The following HDAC4 variants were observed in gnomAD, a reference collection of about 807,000 sequenced individuals.
HDAC4 encodes histone deacetylase 4.
In HDAC4, 16 loss-of-function variants were observed where a neutral mutation model predicts 135.1. The ratio of observed to expected loss-of-function variants is 0.12; its 90% CI spans 0.08 to 0.18. The LOEUF (loss-of-function observed/expected upper bound fraction) is 0.18. Ranked by LOEUF, HDAC4 falls within the 10% of genes least tolerant of loss-of-function variation. The pLI, the probability that HDAC4 is intolerant of heterozygous loss-of-function variation, is 1.00. For synonymous variants in HDAC4, 685 were observed against 653.4 expected, an observed-to-expected ratio of 1.05 and a Z score of -0.74; for missense variants, 1,143 against 1,511.8, an observed-to-expected ratio of 0.76 and a Z score of 4.05.
At chr2:239,217,572 G>A (rs967631636) in intron 3 of HDAC4, among the ~76,000 whole-genome samples, 3 of 152,164 alleles carry the variant, frequency 2.0e-5, no homozygotes, top group Admixed American at 1.3e-4. Context: ...AAGTGTCTGT[G>A]CCGACGGGCT....
chr2:239,202,900 G>C (rs1029516726), intron 3 of HDAC4, among the ~76,000 whole-genome samples: 1 of 152,224 alleles, frequency 6.6e-6, no homozygotes. Flanking sequence ...GCACCAGGAA[G>C]GCAAAGAGCA....
chr2:239,280,513 G>A (rs923832788), intron 2 of HDAC4, among the ~76,000 whole-genome samples: 5 of 152,152 alleles, frequency 3.3e-5, no homozygotes, highest in East Asian at 1.9e-4. Flanking sequence ...GGCACTGCAC[G>A]CCTCCCCACC....
chr2:239,367,363 G>A (rs949983287), intron 1 of HDAC4, among the ~76,000 whole-genome samples: 4 of 152,126 alleles, frequency 2.6e-5, no homozygotes, highest in Non-Finnish European at 5.9e-5. Context: ...GTGTTTTACC[G>A]AACGGTTATT....
intron 2 of HDAC4, among the ~76,000 whole-genome samples, chr2:239,255,052 A>G (rs936253160): frequency 1.3e-5 from 2 of 152,226 alleles, no homozygotes; most frequent in African/African-American, 2.4e-5. Flanking sequence ...TAAAAGGGAA[A>G]ACAAAAACAT....
At position 239,245,244 on chromosome 2, in the gene HDAC4, AG is replaced by A. The variant is rs1411192913; in HGVS notation, c.23-8581del. 6.6e-6 allele frequency among the ~76,000 whole-genome samples: 1 copy of A among 152,184 alleles called. No individual in the cohort carries two copies. The highest frequency in any genetic ancestry group is 1.5e-5 in the Non-Finnish European group (1 of 68,030). On this transcript the variant is annotated intron_variant, in intron 2 of 26. Transcript: ENST00000543185. This position sits in a 1 kb window ranked among gnomAD's most constrained non-coding sequence, Gnocchi z 4.4. ...AAACTAGCTGTAGCTGCCGGCTTACAGGAAGTACGGGTTTGGCAGAACCTGC... is the reference window on the plus strand; with the variant it reads ...AAACTAGCTGTAGCTGCCGGCTTACAGAAGTACGGGTTTGGCAGAACCTGC...
chr2:239,066,750 G>A lies in HDAC4; in HGVS notation c.2975C>T (p.Ala992Val), dbSNP rs1574886611. The A allele has an allele frequency of 6.2e-7, 1 of 1,614,024 alleles. No individual in the cohort carries two copies. The highest frequency in any genetic ancestry group is 8.5e-7 in the Non-Finnish European group (1 of 1,180,048). Residue 992 changes from alanine to valine, a missense_variant, in exon 24 of 27, where the codon GCA (alanine) becomes GTA (valine). Ala to Val is a moderately conservative substitution (Grantham distance 64). Transcript: ENST00000543185. ...DLTAICDASE[A>V]CVSALLGNEL... ...GTTTCCCAGCAAGGCAGAAACACAT[G>A]CTTCCGAGGCGTCGCAAATGGCGGT...
chr2:239,085,030 T>TAA (rs2035788317), intron 19 of HDAC4, among the ~76,000 whole-genome samples: 2 of 89,252 alleles, frequency 2.2e-5, no homozygotes, highest in Admixed American at 1.4e-4. Flanking sequence ...AGTTCCATAC[T>TAA]GAGACAGACA....
intron 24 of HDAC4, among the ~76,000 whole-genome samples, chr2:239,061,118 C>CG: frequency 6.6e-6 from 1 of 151,338 alleles, no homozygotes; most frequent in East Asian, 1.9e-4. Context: ...ACCGTTGGCA[C>CG]GGGGGGAGTG....
chr2:239,311,599 G>A (rs2052882082), intron 2 of HDAC4, among the ~76,000 whole-genome samples: 1 of 152,152 alleles, frequency 6.6e-6, no homozygotes, highest in South Asian at 2.1e-4. Context: ...TGGGTGAGGG[G>A]GAGAGGGACA....
intron 19 of HDAC4, among the ~76,000 whole-genome samples, chr2:239,086,668 C>T (rs1254678513): frequency 6.6e-6 from 1 of 152,226 alleles, no homozygotes; most frequent in African/African-American, 2.4e-5. Context: ...TTCCCGGGCC[C>T]CTGCGGTTCT....
At chr2:239,269,230 T>C (rs4852040) in intron 2 of HDAC4, among the ~76,000 whole-genome samples, 37,293 of 140,874 alleles carry the variant, frequency 0.26, 5,492 homozygotes, top group East Asian at 0.53. Flanking sequence ...CACACCCACA[T>C]ACATTCACAC....
chr2:239,384,846 C>T (rs902701381), intron 1 of HDAC4, among the ~76,000 whole-genome samples: 1 of 152,166 alleles, frequency 6.6e-6, no homozygotes, highest in Non-Finnish European at 1.5e-5. Flanking sequence ...AATAAAACTT[C>T]CAAATACATC....
intron 2 of HDAC4, among the ~76,000 whole-genome samples, chr2:239,333,563 A>G (rs561055388): frequency 6.6e-6 from 1 of 152,336 alleles, no homozygotes; most frequent in South Asian, 2.1e-4. Flanking sequence ...CATTATAATA[A>G]TTATTACAGA....
intron 2 of HDAC4, among the ~76,000 whole-genome samples, chr2:239,297,316 C>G (rs981157975): frequency 1.3e-5 from 2 of 152,232 alleles, no homozygotes; most frequent in Admixed American, 6.5e-5. Context: ...AAGTGGACTT[C>G]GCTCCAGAAA....
intron 12 of HDAC4, among the ~76,000 whole-genome samples, chr2:239,117,092 G>A (rs2039204253): frequency 6.6e-6 from 1 of 152,228 alleles, no homozygotes; most frequent in Admixed American, 6.5e-5. Context: ...GCAAATGCAA[G>A]GGGTGTCCGC....
chr2:239,080,431 C>T (rs897526232), intron 22 of HDAC4, among the ~76,000 whole-genome samples: 17 of 152,224 alleles, frequency 1.1e-4, no homozygotes, highest in African/African-American at 2.2e-4. Flanking sequence ...CCTGGACGCC[C>T]GTCACTCCAC....
At chr2:239,374,692 C>T (rs13387050) in intron 1 of HDAC4, among the ~76,000 whole-genome samples, 4,869 of 152,182 alleles carry the variant, frequency 0.032, 245 homozygotes, top group African/African-American at 0.11. Context: ...CGTGAGCCAC[C>T]GCGCCCGGCC....
chr2:239,144,971 T>C (rs2041656491), intron 7 of HDAC4, among the ~76,000 whole-genome samples: 1 of 152,222 alleles, frequency 6.6e-6, no homozygotes, highest in Admixed American at 6.5e-5. Flanking sequence ...GCGCTGGCAC[T>C]GTCTTCACAG....
chr2:239,068,451 G>T lies in HDAC4; in HGVS notation c.2869+38C>A. 7.0e-7 allele frequency: 1 copy of T among 1,419,670 alleles called. No homozygotes were observed. The highest frequency in any genetic ancestry group is 1.0e-6 in the Non-Finnish European group (1 of 1,002,726). 87.9% of individuals were successfully genotyped at this position (1,419,670 alleles called of 1,614,324 possible). ...GGAACACAGCGGATCATGGACATGA[G>T]CAGAACCGGCTCCTCAGTCATATGC... On this transcript the variant is annotated intron_variant, in intron 23 of 26. Transcript: ENST00000543185. The surrounding 1 kb of genome is among the most constrained non-coding windows in gnomAD (Gnocchi z 4.4).
Sources: allele counts gnomAD v4.1 joint callset (sites outside exome capture counted in the v4.1 genomes callset), GRCh38; gene constraint gnomAD v4.1.1; non-coding constraint Gnocchi (gnomAD v3.1); transcripts MANE v1.5; gene names NCBI Gene and HGNC (gene_info 2026-07-23, HGNC 2026-07-21).